NEURL1B: variants seen among roughly 807,000 people sequenced by gnomAD.
The protein encoded by NEURL1B is E3 ubiquitin-protein ligase NEURL1B.
Under a neutral mutation model 37.4 loss-of-function variants are expected in NEURL1B, and 13 were observed. The ratio of observed to expected loss-of-function variants is 0.35; its 90% CI spans 0.23 to 0.55. NEURL1B has a LOEUF of 0.55. Among genes scored for constraint, NEURL1B ranks in the 20% least tolerant of loss-of-function variants. The probability of loss-of-function intolerance (pLI) is 0.89; values close to 1 mark genes in which losing one functional copy is unlikely to be tolerated. For synonymous variants in NEURL1B, 432 were observed against 426.6 expected (o/e 1.01, Z -0.16); for missense variants, 790 against 879.2 (o/e 0.90, Z 1.28).
intron 1 of NEURL1B, among the ~76,000 whole-genome samples, chr5:172,658,914 C>A (rs1000760733): frequency 6.6e-6 from 1 of 152,088 alleles, no homozygotes; most frequent in Non-Finnish European, 1.5e-5. Flanking sequence ...CTGCTGTAAT[C>A]AGTCACTTTC....
At chr5:172,643,677 T>C (rs1429021328) in intron 1 of NEURL1B, among the ~76,000 whole-genome samples, 1 of 152,150 alleles carries the variant, frequency 6.6e-6, no homozygotes, top group East Asian at 1.9e-4. Context: ...GTGGTGGAGC[T>C]CGAATGTTGC....
In NEURL1B at chr5:172,675,683, G is replaced by A. The variant is rs938876509; in HGVS notation, c.577+5353G>A. Among the ~76,000 whole-genome samples the A allele has an allele frequency of 1.1e-4, 16 of 152,146 alleles. No individual in the cohort carries two copies. Among genetic ancestry groups the A allele is most frequent in the South Asian group, 1.0e-3 (5 of 4,822 alleles). ...TATCACAGGTGGAATATCCCTTGTC[G>A]GAAATGCTTATGACCAGAAGCATTT... On this transcript the variant is annotated intron_variant, in intron 2 of 4. Transcript: ENST00000369800. The surrounding 1 kb of genome is among the most constrained non-coding windows in gnomAD (Gnocchi z 4.7).
intron 1 of NEURL1B, among the ~76,000 whole-genome samples, chr5:172,667,612 C>T (rs1758040480): frequency 6.6e-6 from 1 of 151,942 alleles, no homozygotes; most frequent in Admixed American, 6.5e-5. Flanking sequence ...AGAATCTGAC[C>T]CCTTCCCACC....
intron 1 of NEURL1B, among the ~76,000 whole-genome samples, chr5:172,668,378 T>C (rs755818195): frequency 1.1e-4 from 16 of 152,200 alleles, no homozygotes; most frequent in Admixed American, 2.6e-4. Context: ...GGCCAGCGGC[T>C]TCTGTTTAGA....
At chr5:172,674,997 G>A (rs1758204766) in intron 2 of NEURL1B, among the ~76,000 whole-genome samples, 1 of 152,114 alleles carries the variant, frequency 6.6e-6, no homozygotes, top group African/African-American at 2.4e-5. Context: ...AGCCTCCCAA[G>A]TAGCTGGGAT....
At chr5:172,651,843 T>C (rs1268090692) in intron 1 of NEURL1B, among the ~76,000 whole-genome samples, 2 of 152,246 alleles carry the variant, frequency 1.3e-5, no homozygotes, top group African/African-American at 4.8e-5. Flanking sequence ...TGCATCTAAA[T>C]AGACGTGAGA....
chr5:172,673,578 T>C (rs761665003), intron 2 of NEURL1B, among the ~76,000 whole-genome samples: 53 of 152,072 alleles, frequency 3.5e-4, no homozygotes, highest in African/African-American at 1.2e-3. Flanking sequence ...CCCAGTTACA[T>C]TGGAATTTCA....
chr5:172,690,540 T>A lies in NEURL1B; in HGVS notation c.*3615T>A, dbSNP rs1441758096. 1 of 152,042 alleles carries A rather than the reference T, an allele frequency of 6.6e-6. No individual in the cohort carries two copies. Among genetic ancestry groups the A allele is most frequent in the Non-Finnish European group, 1.5e-5 (1 of 68,026 alleles). 9.4% of individuals were successfully genotyped at this position (152,042 alleles called of 1,614,324 possible). A position where few individuals can be genotyped will look rare whatever the true frequency, so the allele number is the denominator to read the frequency against. On this transcript the variant is annotated 3_prime_UTR_variant, in exon 5 of 5. Transcript: ENST00000369800. Reference sequence around the variant, plus strand: ...TGCTGAGTACCTAGTACGTGTGAGGTGCTGTGAGGATAGAGCAGAGAGGAC... The same window carrying A: ...TGCTGAGTACCTAGTACGTGTGAGGAGCTGTGAGGATAGAGCAGAGAGGAC...
intron 1 of NEURL1B, among the ~76,000 whole-genome samples, chr5:172,658,625 A>G (rs1255734052): frequency 6.6e-6 from 1 of 152,162 alleles, no homozygotes. Context: ...GTCAGGAGCC[A>G]TAGCATCTTT....
rs1474736522 is a variant in NEURL1B at position 172,676,262 on chromosome 5, A to G, written c.577+5932A>G. Among the ~76,000 whole-genome samples, 1 of 151,998 alleles carries G rather than the reference A, an allele frequency of 6.6e-6. No homozygotes were observed. The highest frequency in any genetic ancestry group is 1.9e-4 in the East Asian group (1 of 5,188). ...CGGGGACCCAAAGAACTGCACCTGG[A>G]ATACTTGTCTGTCTTCATTTCTCAT... On this transcript the variant is annotated intron_variant, in intron 2 of 4. Transcript: ENST00000369800. This position sits in a 1 kb window ranked among gnomAD's most constrained non-coding sequence, Gnocchi z 4.5.
intron 1 of NEURL1B, among the ~76,000 whole-genome samples, chr5:172,668,549 AC>A (rs982948152): frequency 2.0e-5 from 3 of 148,890 alleles, no homozygotes; most frequent in Non-Finnish European, 3.0e-5. Flanking sequence ...GATTCATCAA[AC>A]CCCCCCACTT....
At chr5:172,669,533 C>G (rs1432053694) in intron 1 of NEURL1B, among the ~76,000 whole-genome samples, 1 of 133,314 alleles carries the variant, frequency 7.5e-6, no homozygotes, top group Non-Finnish European at 1.5e-5. Flanking sequence ...GGAAACAGCT[C>G]TAGTGCTTCA....
chr5:172,663,558 C>T (rs1757944953), intron 1 of NEURL1B, among the ~76,000 whole-genome samples: 1 of 150,424 alleles, frequency 6.6e-6, no homozygotes, highest in Non-Finnish European at 1.5e-5. Flanking sequence ...GGGATTTGGG[C>T]CAGGGCTGTC....
rs193293160 is a variant in NEURL1B, at chr5:172,690,380, G to T, written c.*3455G>T. 7 of 152,180 alleles carry T rather than the reference G, an allele frequency of 4.6e-5. No homozygotes were observed. The highest frequency in any genetic ancestry group is 7.3e-5 in the Non-Finnish European group (5 of 68,036). 9.4% of individuals were successfully genotyped at this position (152,180 alleles called of 1,614,324 possible). ...CAGGGTGAACTTTTCTCTGACCCCC[G>T]GTGCTGGTCCTGTGCCAGCACGTAG... On this transcript the variant is annotated 3_prime_UTR_variant, in exon 5 of 5. Transcript: ENST00000369800.
Position 172,683,441 on chromosome 5 carries a change from G to A in NEURL1B, c.600G>A (p.Leu200=). 1 of 1,438,568 alleles carries A rather than the reference G, an allele frequency of 7.0e-7. No individual in the cohort carries two copies. The highest frequency in any genetic ancestry group is 9.1e-7 in the Non-Finnish European group (1 of 1,095,838). 89.1% of individuals were successfully genotyped at this position (1,438,568 alleles called of 1,614,324 possible). Residue 200 remains leucine (L), a synonymous_variant, in exon 3 of 5, where the codon CTG becomes CTA. Coordinates refer to ENST00000369800, the MANE Select transcript of NEURL1B (RefSeq NM_001142651.3). This position sits in a 1 kb window ranked among gnomAD's most constrained non-coding sequence, Gnocchi z 5.6. ...CAGAGAGCGCCTTCGCTGACACGCT[G>A]ACGCCCGCGCGCCTCAGCCAGGCCC... ...QLLESAFADT[L]TPARLSQARF...
At chr5:172,662,521 G>T (rs115841413) in intron 1 of NEURL1B, among the ~76,000 whole-genome samples, 13 of 152,152 alleles carry the variant, frequency 8.5e-5, no homozygotes, top group Non-Finnish European at 1.3e-4. Flanking sequence ...GACTTCTGCC[G>T]GGATTTTTCT....
intron 1 of NEURL1B, among the ~76,000 whole-genome samples, chr5:172,658,255 C>T (rs1757831463): frequency 1.3e-5 from 2 of 152,180 alleles, no homozygotes; most frequent in Non-Finnish European, 1.5e-5. Flanking sequence ...ACAGGGAGAA[C>T]ACCCGCTAAG....
chr5:172,659,085 A>G (rs972257318), intron 1 of NEURL1B, among the ~76,000 whole-genome samples: 1 of 115,058 alleles, frequency 8.7e-6, no homozygotes, highest in Non-Finnish European at 1.6e-5. Flanking sequence ...GGTATTGCTC[A>G]CCCTCTGTGC....
chr5:172,686,173 A>G lies in NEURL1B; in HGVS notation c.1300A>G (p.Thr434Ala). The G allele has an allele frequency of 6.4e-7, 1 of 1,551,578 alleles. No individual in the cohort carries two copies. Among genetic ancestry groups the G allele is most frequent in the African/African-American group, 1.4e-5 (1 of 73,180 alleles). Residue 434 changes from threonine to alanine, a missense_variant and splice_region_variant, in exon 4 of 5, where the codon ACC becomes GCC. Transcript: ENST00000369800. This position sits in a 1 kb window ranked among gnomAD's most constrained non-coding sequence, Gnocchi z 7.9. ...GVAGQLRLLGTLQSSPATTTP... is the reference protein window; with the variant it reads ...GVAGQLRLLGALQSSPATTTP... ...GATGGAATCTCTTTGGGCCTCAGGT[A>G]CCCTGCAGTCCAGCCCTGCGACCAC...
Sources: allele counts gnomAD v4.1 joint callset (sites outside exome capture counted in the v4.1 genomes callset), GRCh38; gene constraint gnomAD v4.1.1; non-coding constraint Gnocchi (gnomAD v3.1); transcripts MANE v1.5; gene names NCBI Gene and HGNC (gene_info 2026-07-23, HGNC 2026-07-21).